GPC6: variants seen among roughly 807,000 people sequenced by gnomAD.
GPC6 encodes glypican 6.
Under a neutral mutation model 55.2 loss-of-function variants are expected in GPC6, and 14 were observed. The observed-to-expected ratio is 0.25, with a 90% CI of 0.17 to 0.40. GPC6 has a LOEUF of 0.40. Among genes scored for constraint, GPC6 ranks in the 10% least tolerant of loss-of-function variants. GPC6 has a pLI of 1.00. For synonymous variants in GPC6, 278 were observed against 259.6 expected, an observed-to-expected ratio of 1.07 and a Z score of -0.68; for missense variants, 641 against 708.5, an observed-to-expected ratio of 0.90 and a Z score of 1.08.
rs75493758 is a variant in GPC6 at position 94,369,738 on chromosome 13, ATC to A, written c.1153-12662_1153-12661del. Among the ~76,000 whole-genome samples the A allele has an allele frequency of 4.6e-3, 701 of 151,160 alleles. 5 individuals carry two copies. Among genetic ancestry groups the A allele is most frequent in the Non-Finnish European group, 8.1e-3 (548 of 67,674 alleles). On this transcript the variant is annotated intron_variant, in intron 6 of 8. Transcript: ENST00000377047. Reference sequence around the variant, plus strand: ...TAGAAGATTGGGGGGATCATCTGAGATCTCTCTCTCTCTCTTGCTCTGGGGGT... The same window carrying A: ...TAGAAGATTGGGGGGATCATCTGAGATCTCTCTCTCTCTTGCTCTGGGGGT...
At chr13:93,597,264 C>A (rs776459121) in intron 2 of GPC6, among the ~76,000 whole-genome samples, 1 of 152,188 alleles carries the variant, frequency 6.6e-6, no homozygotes, top group Non-Finnish European at 1.5e-5. Flanking sequence ...CAAGTTGACA[C>A]ATCACATGAA....
intron 1 of GPC6, among the ~76,000 whole-genome samples, chr13:93,349,114 C>A (rs16948700): frequency 6.6e-5 from 10 of 152,260 alleles, no homozygotes; most frequent in Non-Finnish European, 1.3e-4. Flanking sequence ...TTGGCCTTTA[C>A]TAGTTCAGAA....
At chr13:93,370,513 A>T (rs1324001) in intron 1 of GPC6, among the ~76,000 whole-genome samples, 1 of 152,010 alleles carries the variant, frequency 6.6e-6, no homozygotes, top group African/African-American at 2.4e-5. Context: ...CTCAATAAGG[A>T]TGTTTATTGT....
At chr13:94,321,736 C>T (rs1191047394) in intron 6 of GPC6, among the ~76,000 whole-genome samples, 1 of 152,168 alleles carries the variant, frequency 6.6e-6, no homozygotes, top group Non-Finnish European at 1.5e-5. Context: ...CAGCCCTAAA[C>T]TTCCAGTCCA....
At chr13:93,462,082 A>G (rs1878712986) in intron 1 of GPC6, among the ~76,000 whole-genome samples, 1 of 152,220 alleles carries the variant, frequency 6.6e-6, no homozygotes, top group Non-Finnish European at 1.5e-5. Flanking sequence ...AACAGCTGTC[A>G]ATGTTAAATA....
chr13:94,020,033 C>A (rs566937873), intron 3 of GPC6, among the ~76,000 whole-genome samples: 3 of 152,060 alleles, frequency 2.0e-5, no homozygotes, highest in African/African-American at 7.2e-5. Flanking sequence ...TCACTCTAAT[C>A]TTTATTATTT....
chr13:93,490,016 TG>T (rs538502767), intron 1 of GPC6, among the ~76,000 whole-genome samples: 2,336 of 150,654 alleles, frequency 0.016, 109 homozygotes, highest in Admixed American at 0.091. Flanking sequence ...TGAATAGGAG[TG>T]GTGAGAGAGG....
chr13:93,599,431 T>G (rs371641113), intron 2 of GPC6, among the ~76,000 whole-genome samples: 1 of 152,158 alleles, frequency 6.6e-6, no homozygotes, highest in East Asian at 1.9e-4. Flanking sequence ...GCATGAAATT[T>G]GAGAGCATTT....
At chr13:94,131,358 G>A (rs915688603) in intron 4 of GPC6, among the ~76,000 whole-genome samples, 1 of 152,042 alleles carries the variant, frequency 6.6e-6, no homozygotes, top group Non-Finnish European at 1.5e-5. Context: ...TTCTGTGCCT[G>A]TGATAGTTAT....
Position 93,545,345 on chromosome 13 carries a change from C to T in GPC6, c.243C>T (p.Leu81=), listed in dbSNP as rs780345699. ...MEDKLSQQSK[L]EFENLVEETS... ...ACAAGTTAAGCCAACAAAGCAAACTCGAATTTGAAAACCTTGTGGAAGAGA... is the reference window on the plus strand; with the variant it reads ...ACAAGTTAAGCCAACAAAGCAAACTTGAATTTGAAAACCTTGTGGAAGAGA... The change falls in exon 2 of 9, where the codon CTC becomes CTT. Residue 81 remains leucine, a synonymous_variant. Coordinates refer to ENST00000377047, the MANE Select transcript of GPC6 (RefSeq NM_005708.5). 2.3e-5 allele frequency: 37 copies of T among 1,613,614 alleles called. No homozygotes were observed. The highest frequency in any genetic ancestry group is 3.1e-5 in the Non-Finnish European group (37 of 1,179,562).
At chr13:94,151,709 A>G (rs1361664616) in intron 4 of GPC6, among the ~76,000 whole-genome samples, 1 of 152,100 alleles carries the variant, frequency 6.6e-6, no homozygotes, top group Non-Finnish European at 1.5e-5. Flanking sequence ...AGACAAGCAC[A>G]CTACAGCAGC....
Position 93,617,879 on chromosome 13 carries a change from G to A in GPC6, c.319+72458G>A, listed in dbSNP as rs191764805. Among the ~76,000 whole-genome samples the A allele has an allele frequency of 4.4e-4, 67 of 152,030 alleles. No individual in the cohort carries two copies. The East Asian group carries it at 0.011, about 24-fold the overall frequency. On this transcript the variant is annotated intron_variant, in intron 2 of 8. Transcript: ENST00000377047. ...TATGTAATATTCTTTCAAAAGTCAGGTGTGTTATTCCTTACATATACTAAA... is the reference window on the plus strand; with the variant it reads ...TATGTAATATTCTTTCAAAAGTCAGATGTGTTATTCCTTACATATACTAAA...
intron 4 of GPC6, among the ~76,000 whole-genome samples, chr13:94,089,025 G>A (rs9556353): frequency 0.79 from 120,443 of 152,046 alleles, 48,028 homozygotes; most frequent in South Asian, 0.88. Flanking sequence ...AGGCTTAATC[G>A]GTTTTATGCA....
intron 2 of GPC6, among the ~76,000 whole-genome samples, chr13:93,691,675 A>G (rs974455241): frequency 2.6e-5 from 4 of 151,642 alleles, no homozygotes; most frequent in African/African-American, 7.3e-5. Context: ...ACATTATACA[A>G]CTCTTGGTTT....
chr13:93,985,431 C>T (rs888945577), intron 3 of GPC6, among the ~76,000 whole-genome samples: 2 of 151,010 alleles, frequency 1.3e-5, no homozygotes, highest in African/African-American at 2.4e-5. Context: ...AGCAAGACTC[C>T]GTCTCAAAAG....
chr13:94,048,276 T>G (rs1042787457), intron 4 of GPC6, among the ~76,000 whole-genome samples: 3 of 152,002 alleles, frequency 2.0e-5, no homozygotes, highest in African/African-American at 7.2e-5. Flanking sequence ...TAAATATATT[T>G]TTGCCGTCTT....
At position 93,799,404 on chromosome 13, in the gene GPC6, TA is replaced by T. The variant is rs200221654; in HGVS notation, c.320-30749del. 2.9e-3 allele frequency among the ~76,000 whole-genome samples: 439 copies of T among 152,340 alleles called. 4 individuals carry two copies. Among genetic ancestry groups the T allele is most frequent in the African/African-American group, 9.9e-3 (411 of 41,580 alleles). ...TTCTAGTTATAAAAGGTTACATAAC[TA>T]CATAAAACAATCCACATACTAATTT... On this transcript the variant is annotated intron_variant, in intron 2 of 8. Transcript: ENST00000377047.
intron 2 of GPC6, among the ~76,000 whole-genome samples, chr13:93,574,365 G>C (rs182126925): frequency 6.6e-6 from 1 of 152,054 alleles, no homozygotes; most frequent in Non-Finnish European, 1.5e-5. Flanking sequence ...TTGGTGTATC[G>C]TGTCTACAAG....
At chr13:94,268,819 ATT>A (rs1431795845) in intron 4 of GPC6, among the ~76,000 whole-genome samples, 1 of 152,068 alleles carries the variant, frequency 6.6e-6, no homozygotes, top group Non-Finnish European at 1.5e-5. Flanking sequence ...CATCTCTCAT[ATT>A]TCATGACTCT....
Sources: gnomAD v4.1 joint callset for allele counts (sites outside exome capture counted in the v4.1 genomes callset) on GRCh38, gnomAD v4.1.1 for gene constraint, MANE v1.5 for transcripts, NCBI Gene and HGNC (gene_info 2026-07-23, HGNC 2026-07-21) for gene names.